Variants in TBC1D2B observed in about 807,000 individuals in gnomAD.
The protein encoded by TBC1D2B is TBC1 domain family, member 2B.
Under a neutral mutation model 100.8 loss-of-function variants are expected in TBC1D2B, and 64 were observed. The observed-to-expected ratio is 0.64, with a 90% confidence interval of 0.52 to 0.78. TBC1D2B has a LOEUF of 0.78. Among genes scored for constraint, TBC1D2B ranks in the 30% least tolerant of loss-of-function variants. TBC1D2B has a pLI of 0.00. For synonymous variants in TBC1D2B, 480 were observed against 479.7 expected (o/e 1.00, Z -0.01); for missense variants, 1,052 against 1,218.4 (o/e 0.86, Z 2.03).
chr15:78,034,383 G>T, intron 3 of TBC1D2B: 2 of 575,520 alleles, frequency 3.5e-6, no homozygotes, highest in Non-Finnish European at 4.4e-6. Context: ...CTTTTCAGTG[G>T]CCCTGCCTAC....
chr15:77,999,434 G>C (rs998294064), intron 12 of TBC1D2B: 2 of 339,862 alleles, frequency 5.9e-6, no homozygotes, highest in Non-Finnish European at 1.2e-5. Context: ...GGTCAGAAAG[G>C]CCAGCTTTAT....
chr15:78,016,718 G>A lies in TBC1D2B; in HGVS notation c.1603C>T (p.Leu535Phe), dbSNP rs746925733. 2 of 1,567,078 alleles carry A rather than the reference G, an allele frequency of 1.3e-6. No individual in the cohort carries two copies. The highest frequency in any genetic ancestry group is 1.2e-5 in the South Asian group (1 of 82,690). The change falls in exon 8 of 13, where the codon CTC becomes TTC. Residue 535 changes from leucine (L) to phenylalanine (F), a missense_variant. This residue lies in a region of TBC1D2B where 373 missense variants were observed against 464.9 expected (regional missense o/e 0.80). Transcript: ENST00000300584. ...AGGTATTTACTTTCTATCTGGCAGA[G>A]CTTGGCTTCCAGGCTAGAATACTGC... is the stretch of plus-strand genomic sequence containing the variant. The part of the protein sequence containing the change: ...MAKYSSLEAK[L>F]CQIESKYLIL...
chr15:78,014,552 G>A (rs1168657206), intron 8 of TBC1D2B, among the ~76,000 whole-genome samples: 1 of 152,156 alleles, frequency 6.6e-6, no homozygotes, highest in South Asian at 2.1e-4. Context: ...ATGAGGGGAA[G>A]GAATAAAGAC....
At chr15:78,023,868 T>C (rs569484581) in intron 6 of TBC1D2B, among the ~76,000 whole-genome samples, 1 of 152,132 alleles carries the variant, frequency 6.6e-6, no homozygotes, top group Non-Finnish European at 1.5e-5. Context: ...CAAGGGATAA[T>C]GAAGTACTAA....
At chr15:78,060,417 C>A (rs1189676467) in intron 1 of TBC1D2B, among the ~76,000 whole-genome samples, 1 of 150,358 alleles carries the variant, frequency 6.7e-6, no homozygotes, top group Non-Finnish European at 1.5e-5. Context: ...GTGGGTGAAT[C>A]ACTTGGGCTC....
chr15:78,003,177 G>A (rs2071962025), intron 11 of TBC1D2B, 128 bp downstream of exon 11: 8 of 743,980 alleles, frequency 1.1e-5, no homozygotes, highest in Non-Finnish European at 1.8e-5. Flanking sequence ...TGCAGGCCGT[G>A]CTGAGATCCC....
At chr15:78,008,632 C>T (rs1441873967) in intron 10 of TBC1D2B, among the ~76,000 whole-genome samples, 2 of 152,252 alleles carry the variant, frequency 1.3e-5, no homozygotes, top group African/African-American at 4.8e-5. Context: ...TCCAGCCTGA[C>T]ATTGCTTCTT....
At chr15:78,045,192 T>C (rs1191153296) in intron 2 of TBC1D2B, 124 bp from the exon 3 acceptor site, 22 of 816,518 alleles carry the variant, frequency 2.7e-5, no homozygotes, top group South Asian at 2.2e-5. Flanking sequence ...ATATTTTTAA[T>C]GTATACTACA....
At chr15:78,058,302 C>T (rs573575403) in intron 1 of TBC1D2B, among the ~76,000 whole-genome samples, 6 of 152,270 alleles carry the variant, frequency 3.9e-5, no homozygotes, top group African/African-American at 1.2e-4. Context: ...TAACATAAGC[C>T]AAGGGCATGG....
Position 78,013,094 on chromosome 15 carries a change from G to C in TBC1D2B, c.1999C>G (p.His667Asp). 6.2e-7 allele frequency: 1 copy of C among 1,614,026 alleles called. No homozygotes were observed. Among genetic ancestry groups the C allele is most frequent in the Non-Finnish European group, 8.5e-7 (1 of 1,179,898 alleles). The change falls in exon 9 of 13, where the codon CAC becomes GAC. Residue 667 changes from histidine (H) to aspartate (D), a missense_variant. Physicochemically the swap from His to Asp is moderately conservative, Grantham distance 81. This residue lies in a region of TBC1D2B where 373 missense variants were observed against 464.9 expected (regional missense o/e 0.80). Transcript: ENST00000300584. ...NLIRAGIPHE[H>D]RSKVWKWCVD... ...CACCACTTCCACACCTTGGAACGGT[G>C]CTCGTGGGGAATGCCCGCACGGATG...
intron 1 of TBC1D2B, chr15:78,065,963 C>T (rs895449168): frequency 3.4e-5 from 16 of 468,038 alleles, no homozygotes; most frequent in Middle Eastern, 3.2e-4. Context: ...ATCAGATGGT[C>T]GTCCTATATC....
At chr15:78,062,214 C>T (rs1039949368) in intron 1 of TBC1D2B, among the ~76,000 whole-genome samples, 1 of 152,220 alleles carries the variant, frequency 6.6e-6, no homozygotes, top group African/African-American at 2.4e-5. Flanking sequence ...GCTGTCCTAA[C>T]ATTTCTATTC....
chr15:78,020,348 A>G (rs1227486579), intron 6 of TBC1D2B, among the ~76,000 whole-genome samples: 1 of 152,228 alleles, frequency 6.6e-6, no homozygotes, highest in African/African-American at 2.4e-5. Context: ...GCCGCCATGT[A>G]TGTCTTTAAC....
chr15:78,047,297 T>C (rs2073217530), intron 2 of TBC1D2B, among the ~76,000 whole-genome samples: 1 of 152,000 alleles, frequency 6.6e-6, no homozygotes, highest in Admixed American at 6.6e-5. Flanking sequence ...TTGCCAGTTC[T>C]TGGTTTTACT....
rs149083683 is a variant in TBC1D2B, at chr15:78,071,317, G to A, written c.360+5976C>T. Among the ~76,000 whole-genome samples the A allele has an allele frequency of 6.9e-3, 1,044 of 152,302 alleles. 20 individuals are homozygous for A. The highest frequency in any genetic ancestry group is 0.024 in the African/African-American group (985 of 41,546). ...ATCAAAAGAATATTTTGCGAAATGT[G>A]AAAATTATATGAAATCCAAATTTCA... On this transcript the variant is annotated intron_variant, in intron 1 of 12. Transcript: ENST00000300584.
rs1051438261 is a variant in TBC1D2B, at chr15:78,077,319, T to G, written c.334A>C (p.Ser112Arg). ...TEPPAHFQVH[S>R]AGAVTVLKAP... The stretch of plus-strand genomic sequence containing the variant: ...TTGAGCACCGTGACGGCTCCCGCGC[T>G]GTGCACCTGGAAGTGCGCGGGCGGC... The change falls in exon 1 of 13, where the codon AGC becomes CGC. Residue 112 changes from serine (S) to arginine (R), a missense_variant. Ser to Arg is a moderately radical substitution (Grantham distance 110). This residue lies in a region of TBC1D2B where 627 missense variants were observed against 646.1 expected (regional missense o/e 0.97). Coordinates refer to ENST00000300584, the MANE Select transcript of TBC1D2B (RefSeq NM_144572.2). 6.5e-7 allele frequency: 1 copy of G among 1,532,444 alleles called. No homozygotes were observed. Among genetic ancestry groups the G allele is most frequent in the Non-Finnish European group, 8.8e-7 (1 of 1,140,706 alleles). The allele number at this position is 1,532,444 out of a possible 1,614,324, so 94.9% of individuals were successfully genotyped here.
chr15:78,075,896 TC>T (rs2073821122), intron 1 of TBC1D2B, among the ~76,000 whole-genome samples: 1 of 152,140 alleles, frequency 6.6e-6, no homozygotes, highest in Non-Finnish European at 1.5e-5. Flanking sequence ...GGAACAGTCC[TC>T]AGCTCACAAG....
rs780061299 is a variant in TBC1D2B at position 78,013,086 on chromosome 15, G to T, written c.2007C>A (p.Ser669=). The T allele has an allele frequency of 1.9e-6, 3 of 1,613,988 alleles. No homozygotes were observed. The highest frequency in any genetic ancestry group is 2.5e-6 in the Non-Finnish European group (3 of 1,179,900). ...IRAGIPHEHR[S]KVWKWCVDRH... ...GGTCCACACACCACTTCCACACCTT[G>T]GAACGGTGCTCGTGGGGAATGCCCG... Residue 669 remains serine, a synonymous_variant, in exon 9 of 13, where the codon TCC becomes TCA. Coordinates refer to ENST00000300584, the MANE Select transcript of TBC1D2B (RefSeq NM_144572.2).
chr15:78,031,013 C>T (rs1349635908), intron 3 of TBC1D2B, among the ~76,000 whole-genome samples: 1 of 152,174 alleles, frequency 6.6e-6, no homozygotes, highest in Non-Finnish European at 1.5e-5. Context: ...GTGGAATGTA[C>T]ATTTCAGCCA....
Sources: allele counts gnomAD v4.1 joint callset (sites outside exome capture counted in the v4.1 genomes callset), GRCh38; gene constraint gnomAD v4.1.1; regional missense constraint gnomAD v4.1.1; transcripts MANE v1.5; gene names NCBI Gene and HGNC (gene_info 2026-07-23, HGNC 2026-07-21).